Variants in RFX7 observed in about 807,000 individuals in gnomAD.
The protein encoded by RFX7 is DNA-binding protein RFX7.
Under a neutral mutation model 111.8 loss-of-function variants are expected in RFX7, and 26 were observed. The observed-to-expected ratio is 0.23, with a 90% CI of 0.17 to 0.32. RFX7 has a LOEUF of 0.32. Among genes scored for constraint, RFX7 ranks in the 10% least tolerant of loss-of-function variants. The pLI is 1.00. For missense variants in RFX7, 1,573 were observed against 1,772.9 expected, an observed-to-expected ratio of 0.89 and a Z score of 2.02; for synonymous variants, 624 against 624.4, an observed-to-expected ratio of 1.00 and a Z score of 0.01.
intron 3 of RFX7, among the ~76,000 whole-genome samples, chr15:56,159,711 T>A (rs2042698500): frequency 6.6e-6 from 1 of 152,144 alleles, no homozygotes; most frequent in African/African-American, 2.4e-5. Context: ...AAATACTAAT[T>A]TTTCGGTGTT....
chr15:56,177,033 A>G (rs2042910786), intron 3 of RFX7, among the ~76,000 whole-genome samples: 1 of 152,010 alleles, frequency 6.6e-6, no homozygotes. Flanking sequence ...CTAAATATGT[A>G]ATACATGAAC....
intron 2 of RFX7, among the ~76,000 whole-genome samples, chr15:56,202,109 A>G (rs2043198729): frequency 6.6e-6 from 1 of 152,154 alleles, no homozygotes; most frequent in South Asian, 2.1e-4. Flanking sequence ...ATTTTTCCCC[A>G]GACCAGAAAG....
At position 56,091,554 on chromosome 15, in the gene RFX7, G is replaced by A. The variant is rs2041595665; in HGVS notation, c.*1791C>T. The stretch of plus-strand genomic sequence containing the variant: ...ATGGCCTCAAAATCTCCTTTTCAGA[G>A]TATCTCATAAAGAAAGGCTCCCATC... On this transcript the variant is annotated 3_prime_UTR_variant, in exon 10 of 10. Transcript: ENST00000559447. The A allele has an allele frequency of 6.6e-6, 1 of 152,388 alleles. No homozygotes were observed. The highest frequency in any genetic ancestry group is 1.5e-5 in the Non-Finnish European group (1 of 67,932). The allele number at this position is 152,388 out of a possible 1,614,324, so 9.4% of individuals were successfully genotyped here.
intron 5 of RFX7, among the ~76,000 whole-genome samples, chr15:56,138,076 A>G (rs1360479974): frequency 7.7e-5 from 11 of 142,968 alleles, no homozygotes; most frequent in South Asian, 2.5e-4. Context: ...TGGTGCTGAA[A>G]AAAATGTATA....
chr15:56,101,899 G>A, intron 7 of RFX7, among the ~76,000 whole-genome samples: 1 of 152,128 alleles, frequency 6.6e-6, no homozygotes, highest in East Asian at 1.9e-4. Context: ...CATGATGACT[G>A]ACTTTTTCCT....
At chr15:56,100,801 A>T (rs1177913933) in intron 8 of RFX7, among the ~76,000 whole-genome samples, 1 of 152,200 alleles carries the variant, frequency 6.6e-6, no homozygotes, top group African/African-American at 2.4e-5. Flanking sequence ...TCGATTCCAA[A>T]AACTCATCTT....
chr15:56,232,063 T>G (rs541827881), intron 2 of RFX7, among the ~76,000 whole-genome samples: 1 of 152,324 alleles, frequency 6.6e-6, no homozygotes, highest in African/African-American at 2.4e-5. Flanking sequence ...GCGGCTTTTA[T>G]GGGCTGGTGT....
rs532237850 is a variant in RFX7 at position 56,138,974 on chromosome 15, C to G, written c.401+3804G>C. Among the ~76,000 whole-genome samples the G allele has an allele frequency of 3.3e-5, 5 of 152,158 alleles. No homozygotes were observed. The South Asian group carries it at 8.3e-4, about 25-fold the overall frequency. ...TCTCTTCTGGCTTGTAGGGTTTCTGCCGAGAGATCCGCTGTTAGTCTGATG... is the reference window on the plus strand; with the variant it reads ...TCTCTTCTGGCTTGTAGGGTTTCTGGCGAGAGATCCGCTGTTAGTCTGATG... On this transcript the variant is annotated intron_variant, in intron 5 of 9. Transcript: ENST00000559447.
chr15:56,173,176 A>G (rs1170391713), intron 3 of RFX7, among the ~76,000 whole-genome samples: 1 of 152,212 alleles, frequency 6.6e-6, no homozygotes, highest in Non-Finnish European at 1.5e-5. Context: ...ACAAATCCCT[A>G]TGTAGATTTG....
At chr15:56,242,613 G>A (rs979699093) in intron 2 of RFX7, among the ~76,000 whole-genome samples, 1 of 152,108 alleles carries the variant, frequency 6.6e-6, no homozygotes, top group South Asian at 2.1e-4. Flanking sequence ...TTAATATTAG[G>A]ATAAGGGAGG....
chr15:56,233,913 T>C (rs1007092919), intron 2 of RFX7, among the ~76,000 whole-genome samples: 1 of 152,186 alleles, frequency 6.6e-6, no homozygotes, highest in African/African-American at 2.4e-5. Flanking sequence ...GAAATCCTAT[T>C]CCTTAGTCAA....
In RFX7 at chr15:56,243,047, C is replaced by G. The variant is rs1267648749; in HGVS notation, c.161+78G>C. 8 of 630,592 alleles carry G rather than the reference C, an allele frequency of 1.3e-5. 1 individual carries two copies. Among genetic ancestry groups the G allele is most frequent in the East Asian group, 1.3e-4 (2 of 15,316 alleles). The allele number at this position is 630,592 out of a possible 1,614,324, so 39.1% of individuals were successfully genotyped here. A position where few individuals can be genotyped will look rare whatever the true frequency, so the allele number is the denominator to read the frequency against. On this transcript the variant is annotated intron_variant, in intron 2 of 9. Coordinates refer to ENST00000559447, the MANE Select transcript of RFX7 (RefSeq NM_022841.7). ...GCATCAGCCTCCTCCTCCGCTCCCC[C>G]CGCCCGCCGCCCCCCACCCACTTTG...
chr15:56,129,227 T>A (rs1595948176), intron 5 of RFX7, among the ~76,000 whole-genome samples: 1 of 152,112 alleles, frequency 6.6e-6, no homozygotes, highest in South Asian at 2.1e-4. Flanking sequence ...ATATAAAAAT[T>A]AGCCAGGCGT....
At chr15:56,235,171 C>A (rs915780546) in intron 2 of RFX7, among the ~76,000 whole-genome samples, 1 of 147,686 alleles carries the variant, frequency 6.8e-6, no homozygotes, top group Non-Finnish European at 1.5e-5. Flanking sequence ...CCCCTGTTCT[C>A]GTTTGTTGTT....
chr15:56,173,267 G>A (rs1327127718), intron 3 of RFX7, among the ~76,000 whole-genome samples: 3 of 152,154 alleles, frequency 2.0e-5, no homozygotes, highest in African/African-American at 4.8e-5. Context: ...AGCTACCAGG[G>A]ATCTACAAGT....
chr15:56,220,416 G>C (rs1375207705), intron 2 of RFX7, among the ~76,000 whole-genome samples: 1 of 152,006 alleles, frequency 6.6e-6, no homozygotes, highest in Non-Finnish European at 1.5e-5. Context: ...ATTTTTAGTA[G>C]AGATGGGATT....
At chr15:56,196,459 A>C (rs1056995818) in intron 2 of RFX7, among the ~76,000 whole-genome samples, 17 of 151,988 alleles carry the variant, frequency 1.1e-4, no homozygotes, top group Non-Finnish European at 1.9e-4. Flanking sequence ...TTTTAAAAAA[A>C]TTTACTTAAT....
chr15:56,145,227 C>A (rs2042452133), intron 3 of RFX7, among the ~76,000 whole-genome samples: 1 of 152,146 alleles, frequency 6.6e-6, no homozygotes, highest in African/African-American at 2.4e-5. Context: ...AAATGTGCCA[C>A]AAATCCTATT....
chr15:56,184,376 T>C (rs1267650801), intron 2 of RFX7, among the ~76,000 whole-genome samples: 2 of 151,854 alleles, frequency 1.3e-5, no homozygotes, highest in Non-Finnish European at 2.9e-5. Context: ...TAGATAATCA[T>C]TTCATTTATA....
Sources: gnomAD v4.1 joint callset for allele counts (sites outside exome capture counted in the v4.1 genomes callset) on GRCh38, gnomAD v4.1.1 for gene constraint, MANE v1.5 for transcripts, NCBI Gene and HGNC (gene_info 2026-07-23, HGNC 2026-07-21) for gene names.